KIF26B: variants seen among roughly 807,000 people sequenced by gnomAD.
KIF26B encodes the protein kinesin family member 26B, also known as kinesin-like protein KIF26B.
A neutral mutation model predicts 151.2 loss-of-function variants in KIF26B; 63 were observed. That is an observed-to-expected ratio of 0.42 (90% CI 0.34 to 0.51). The LOEUF (loss-of-function observed/expected upper bound fraction) is 0.51. Among genes scored for constraint, KIF26B ranks in the 20% least tolerant of loss-of-function variants. The probability of loss-of-function intolerance (pLI) is 0.07; values close to 1 mark genes in which losing one functional copy is unlikely to be tolerated. For synonymous variants in KIF26B, 1,357 were observed against 1,262.1 expected, an observed-to-expected ratio of 1.08 and a Z score of -1.59; for missense variants, 2,813 against 2,913.6, an observed-to-expected ratio of 0.97 and a Z score of 0.79.
At chr1:245,303,703 C>A (rs541717611) in intron 2 of KIF26B, among the ~76,000 whole-genome samples, 1 of 152,276 alleles carries the variant, frequency 6.6e-6, no homozygotes, top group African/African-American at 2.4e-5. Context: ...CATGGAATTC[C>A]CCCAAAATCA....
chr1:245,346,845 A>G (rs1672466529), intron 2 of KIF26B, among the ~76,000 whole-genome samples: 1 of 152,146 alleles, frequency 6.6e-6, no homozygotes, highest in South Asian at 2.1e-4. Context: ...CTGAAGTGCA[A>G]AATCCATCCA....
chr1:245,244,607 T>A lies in KIF26B; in HGVS notation c.465+87924T>A, dbSNP rs1670278553. ...GGAACACAGAGGAAGACTCATGAAA[T>A]GGCAAGAGACCCTCCCCTCCCCTGA... On this transcript the variant is annotated intron_variant, in intron 2 of 14. Transcript: ENST00000407071. This position sits in a 1 kb window ranked among gnomAD's most constrained non-coding sequence, Gnocchi z 4.2. Among the ~76,000 whole-genome samples, 1 of 152,058 alleles carries A rather than the reference T, an allele frequency of 6.6e-6. No individual in the cohort carries two copies. The highest frequency in any genetic ancestry group is 1.5e-5 in the Non-Finnish European group (1 of 68,004).
At chr1:245,623,026 G>GTTTTTTT (rs56666383) in intron 9 of KIF26B, among the ~76,000 whole-genome samples, 4 of 111,854 alleles carry the variant, frequency 3.6e-5, no homozygotes, top group Non-Finnish European at 5.5e-5. Context: ...TCGTGAGCAA[G>GTTTTTTT]TTTTTTTTTT....
chr1:245,405,619 A>ATGT (rs1351860052), intron 3 of KIF26B, among the ~76,000 whole-genome samples: 52 of 133,106 alleles, frequency 3.9e-4, no homozygotes, highest in African/African-American at 1.9e-3. Flanking sequence ...TGTCCTATTG[A>ATGT]TGTTGTTTTT....
chr1:245,543,112 G>A (rs1209422774), intron 5 of KIF26B, among the ~76,000 whole-genome samples: 2 of 152,142 alleles, frequency 1.3e-5, no homozygotes, highest in Non-Finnish European at 2.9e-5. Context: ...AAGGGTTGAT[G>A]TGGATGCATC....
At chr1:245,258,891 G>A (rs1474139365) in intron 2 of KIF26B, among the ~76,000 whole-genome samples, 1 of 152,170 alleles carries the variant, frequency 6.6e-6, no homozygotes, top group Non-Finnish European at 1.5e-5. Flanking sequence ...GTTTTCCCAT[G>A]CGTGAGCCCT....
rs910707777 is a variant in KIF26B at position 245,318,680 on chromosome 1, G to C, written c.466-48154G>C. Among the ~76,000 whole-genome samples the C allele has an allele frequency of 2.0e-5, 3 of 152,260 alleles. No homozygotes were observed. The highest frequency in any genetic ancestry group is 1.5e-5 in the Non-Finnish European group (1 of 68,022). On this transcript the variant is annotated intron_variant, in intron 2 of 14. Coordinates refer to ENST00000407071, the MANE Select transcript of KIF26B (RefSeq NM_018012.4). This position sits in a 1 kb window ranked among gnomAD's most constrained non-coding sequence, Gnocchi z 4.0. Reference sequence around the variant, plus strand: ...CTGGCATATGCATCAGAGTTCCAGAGTGAAAGGTGGCTCTGAAAACTTTGC... The same window carrying C: ...CTGGCATATGCATCAGAGTTCCAGACTGAAAGGTGGCTCTGAAAACTTTGC...
intron 12 of KIF26B, among the ~76,000 whole-genome samples, chr1:245,691,867 G>T (rs1039857488): frequency 6.6e-6 from 1 of 152,160 alleles, no homozygotes; most frequent in Non-Finnish European, 1.5e-5. Context: ...CCATGTTGCT[G>T]AGGAGTGTGC....
At chr1:245,580,730 C>T (rs922445800) in intron 5 of KIF26B, among the ~76,000 whole-genome samples, 3 of 152,214 alleles carry the variant, frequency 2.0e-5, no homozygotes, top group African/African-American at 7.2e-5. Flanking sequence ...TCTTTCGCTT[C>T]CTGGAGCTTA....
At chr1:245,419,798 C>T in intron 4 of KIF26B, 53 bp downstream of exon 4, 2 of 1,501,818 alleles carry the variant, frequency 1.3e-6, no homozygotes, top group Non-Finnish European at 1.8e-6. Flanking sequence ...AGCTGGTTAG[C>T]CCCTCACGTG....
intron 10 of KIF26B, among the ~76,000 whole-genome samples, chr1:245,660,101 A>C (rs1558256027): frequency 2.0e-5 from 3 of 151,944 alleles, no homozygotes; most frequent in Non-Finnish European, 4.4e-5. Flanking sequence ...TATGGCAATA[A>C]TAATAAACAC....
rs917666757 is a variant in KIF26B at position 245,161,975 on chromosome 1, C to T, written c.465+5292C>T. 1.2e-4 allele frequency among the ~76,000 whole-genome samples: 19 copies of T among 152,062 alleles called. No homozygotes were observed. In the South Asian group the frequency reaches 2.9e-3, roughly 23 times the overall value. ...ATTGTCTTGGCTGGAATGCAAGGGG[C>T]GGGGGGAAGGAACCTCCTTATATTT... is the stretch of plus-strand genomic sequence containing the variant. On this transcript the variant is annotated intron_variant, in intron 2 of 14. Transcript: ENST00000407071.
At chr1:245,518,797 A>AC (rs1278754053) in intron 4 of KIF26B, among the ~76,000 whole-genome samples, 1 of 152,128 alleles carries the variant, frequency 6.6e-6, no homozygotes, top group African/African-American at 2.4e-5. Context: ...GCTGGGAGAG[A>AC]CCTTAGAGAT....
At chr1:245,174,088 T>G (rs1668761887) in intron 2 of KIF26B, among the ~76,000 whole-genome samples, 1 of 152,224 alleles carries the variant, frequency 6.6e-6, no homozygotes, top group Non-Finnish European at 1.5e-5. Context: ...CATCGCACAT[T>G]TTGCAGTAAA....
chr1:245,243,982 C>T lies in KIF26B; in HGVS notation c.465+87299C>T, dbSNP rs184349176. On this transcript the variant is annotated intron_variant, in intron 2 of 14. Transcript: ENST00000407071. ...TGAGACAGGGTCTCACTCTGATGTC[C>T]AGGTTGGAATACAGTGGTGTGATCA... Among the ~76,000 whole-genome samples the T allele has an allele frequency of 1.1e-4, 17 of 152,134 alleles. No individual in the cohort carries two copies. The East Asian group carries it at 3.3e-3, about 29-fold the overall frequency.
At chr1:245,332,944 A>AAT (rs1672143805) in intron 2 of KIF26B, among the ~76,000 whole-genome samples, 1 of 152,182 alleles carries the variant, frequency 6.6e-6, no homozygotes, top group African/African-American at 2.4e-5. Flanking sequence ...CTCCAAATCC[A>AAT]GCAGAAAAAG....
At position 245,552,521 on chromosome 1, in the gene KIF26B, A is replaced by G. The variant is rs183956223; in HGVS notation, c.1350+11571A>G. On this transcript the variant is annotated intron_variant, in intron 5 of 14. Coordinates refer to ENST00000407071, the MANE Select transcript of KIF26B (RefSeq NM_018012.4). Reference sequence around the variant, plus strand: ...CCATCGCACTAGGGGAATGAATGGAATGATGACACTGGTTTCCATTCTGTT... The same window carrying G: ...CCATCGCACTAGGGGAATGAATGGAGTGATGACACTGGTTTCCATTCTGTT... Among the ~76,000 whole-genome samples the G allele has an allele frequency of 7.1e-3, 1,085 of 152,262 alleles. 13 individuals are homozygous for G. The highest frequency in any genetic ancestry group is 0.025 in the African/African-American group (1,041 of 41,526).
rs1416428270 is a variant in KIF26B at position 245,650,171 on chromosome 1, C to T, written c.2258+3891C>T. 4.6e-5 allele frequency among the ~76,000 whole-genome samples: 7 copies of T among 152,228 alleles called. No individual in the cohort carries two copies. In the East Asian group the frequency reaches 1.2e-3, roughly 25 times the overall value. On this transcript the variant is annotated intron_variant, in intron 10 of 14. Coordinates refer to ENST00000407071, the MANE Select transcript of KIF26B (RefSeq NM_018012.4). ...CTGCACTGACAGGCTGCACAAATTA[C>T]TCTCTAATTTTTGAGAGCCTCCACC...
At chr1:245,431,587 A>G (rs1365972767) in intron 4 of KIF26B, among the ~76,000 whole-genome samples, 1 of 151,650 alleles carries the variant, frequency 6.6e-6, no homozygotes, top group Non-Finnish European at 1.5e-5. Flanking sequence ...CTTGTGATCT[A>G]CCCACCTCAG....
Sources: gnomAD v4.1 joint callset for allele counts (sites outside exome capture counted in the v4.1 genomes callset) on GRCh38, gnomAD v4.1.1 for gene constraint, Gnocchi (gnomAD v3.1) non-coding constraint, MANE v1.5 for transcripts, NCBI Gene and HGNC (gene_info 2026-07-23, HGNC 2026-07-21) for gene names.